The following SPATA6 variants were observed in gnomAD, a reference collection of about 807,000 sequenced individuals.
SPATA6 encodes the protein spermatogenesis-associated protein 6.
Under a neutral mutation model 65.3 loss-of-function variants are expected in SPATA6, and 56 were observed. The ratio of observed to expected loss-of-function variants is 0.86; its 90% CI spans 0.69 to 1.07. The LOEUF (loss-of-function observed/expected upper bound fraction) is 1.07, where lower values mean the gene tolerates loss of function less well. Among genes scored for constraint, SPATA6 ranks in the 50% least tolerant of loss-of-function variants. The probability of loss-of-function intolerance (pLI) is 0.00; values close to 1 mark genes in which losing one functional copy is unlikely to be tolerated. For missense variants in SPATA6, 590 were observed against 594.8 expected, an observed-to-expected ratio of 0.99 and a Z score of 0.08; for synonymous variants, 199 against 213.2, an observed-to-expected ratio of 0.93 and a Z score of 0.58.
At chr1:48,305,953 A>G (rs1003306210) in intron 11 of SPATA6, 75 bp from the exon 12 acceptor site, 23 of 1,088,856 alleles carry the variant, frequency 2.1e-5, no homozygotes, top group Non-Finnish European at 3.1e-5. Context: ...TCTTCATAAA[A>G]TGCTCTTCCC....
At chr1:48,338,805 T>C (rs1031520194) in intron 11 of SPATA6, among the ~76,000 whole-genome samples, 2 of 152,006 alleles carry the variant, frequency 1.3e-5, no homozygotes, top group Non-Finnish European at 2.9e-5. Flanking sequence ...AAACAAAACA[T>C]CTCTTACAAT....
At chr1:48,429,133 CAA>C (rs796484656) in intron 3 of SPATA6, among the ~76,000 whole-genome samples, 1 of 132,760 alleles carries the variant, frequency 7.5e-6, no homozygotes, top group African/African-American at 2.8e-5. Context: ...CCAGGATGGG[CAA>C]AAAAAAAAAA....
At chr1:48,327,882 G>A (rs1645809476) in intron 11 of SPATA6, among the ~76,000 whole-genome samples, 1 of 152,134 alleles carries the variant, frequency 6.6e-6, no homozygotes, top group Non-Finnish European at 1.5e-5. Flanking sequence ...CACTATTTGG[G>A]TGATGTGGGT....
intron 11 of SPATA6, among the ~76,000 whole-genome samples, chr1:48,322,955 C>T (rs988871565): frequency 6.6e-6 from 1 of 152,042 alleles, no homozygotes; most frequent in African/African-American, 2.4e-5. Flanking sequence ...AAATAGGAAC[C>T]CTTTTACACT....
chr1:48,436,438 G>C, intron 3 of SPATA6: 2 of 1,607,566 alleles, frequency 1.2e-6, no homozygotes, highest in Non-Finnish European at 1.7e-6. Flanking sequence ...AGGAATGAGT[G>C]AAACTTTAAT....
intron 11 of SPATA6, among the ~76,000 whole-genome samples, chr1:48,317,520 C>A (rs1175867286): frequency 1.1e-4 from 16 of 151,668 alleles, no homozygotes; most frequent in African/African-American, 3.9e-4. Context: ...CACACTGGGG[C>A]CTGTTGTGGG....
At chr1:48,373,999 A>C (rs1425471097) in intron 9 of SPATA6, among the ~76,000 whole-genome samples, 1 of 152,124 alleles carries the variant, frequency 6.6e-6, no homozygotes, top group Non-Finnish European at 1.5e-5. Context: ...GATCCACATA[A>C]TTTCCATGCA....
At chr1:48,440,922 AG>A (rs1422981529) in intron 3 of SPATA6, among the ~76,000 whole-genome samples, 8 of 152,316 alleles carry the variant, frequency 5.3e-5, no homozygotes, top group African/African-American at 1.7e-4. Flanking sequence ...GATCAGACAA[AG>A]GCCACAGCCT....
At chr1:48,327,002 T>C (rs987988352) in intron 11 of SPATA6, among the ~76,000 whole-genome samples, 2 of 151,624 alleles carry the variant, frequency 1.3e-5, no homozygotes, top group African/African-American at 4.8e-5. Flanking sequence ...AATAGACAAA[T>C]AGGACTTAAA....
intron 3 of SPATA6, among the ~76,000 whole-genome samples, chr1:48,444,075 G>A (rs1655773666): frequency 6.6e-6 from 1 of 152,216 alleles, no homozygotes; most frequent in African/African-American, 2.4e-5. Flanking sequence ...GAGTTGGGTT[G>A]TCCTGTTTAG....
chr1:48,437,247 T>C, intron 3 of SPATA6: 2 of 1,608,718 alleles, frequency 1.2e-6, no homozygotes, highest in Non-Finnish European at 1.7e-6. Context: ...TTTCATGTCC[T>C]ATATACTTGA....
the SPATA6 span, among the ~76,000 whole-genome samples, chr1:48,283,995 G>A: frequency 6.6e-6 from 1 of 152,076 alleles, no homozygotes; most frequent in South Asian, 2.1e-4. Context: ...GGTTGGGGAA[G>A]TTCTCCTGGA....
chr1:48,355,558 G>C, intron 11 of SPATA6, 112 bp downstream of exon 11: 1 of 697,986 alleles, frequency 1.4e-6, no homozygotes, highest in Non-Finnish European at 2.3e-6. Flanking sequence ...AATGGAGCTT[G>C]CTTGCTTTCT....
intron 3 of SPATA6, among the ~76,000 whole-genome samples, chr1:48,444,199 G>A (rs1489739363): frequency 2.0e-5 from 3 of 151,978 alleles, no homozygotes; most frequent in African/African-American, 4.8e-5. Context: ...CTGTAAAAAC[G>A]CACCAATCAG....
At chr1:48,370,977 T>A (rs750365735) in intron 9 of SPATA6, among the ~76,000 whole-genome samples, 1 of 152,180 alleles carries the variant, frequency 6.6e-6, no homozygotes, top group Non-Finnish European at 1.5e-5. Context: ...AAAGTTATAA[T>A]GTGATCACAA....
At chr1:48,302,417 C>G (rs1644961444) in intron 12 of SPATA6, among the ~76,000 whole-genome samples, 1 of 152,172 alleles carries the variant, frequency 6.6e-6, no homozygotes, top group Non-Finnish European at 1.5e-5. Flanking sequence ...TTTATTATAC[C>G]TCTCTGTATG....
At chr1:48,292,354 T>C (rs1644773458), downstream of SPATA6, among the ~76,000 whole-genome samples, 1 of 152,180 alleles carries the variant, frequency 6.6e-6, no homozygotes, top group Non-Finnish European at 1.5e-5. Context: ...GTCCACAACA[T>C]TTGGCAACTA....
intron 11 of SPATA6, among the ~76,000 whole-genome samples, chr1:48,321,930 TAAG>T (rs1033573745): frequency 6.6e-6 from 1 of 152,072 alleles, no homozygotes; most frequent in Non-Finnish European, 1.5e-5. Context: ...ATAAACATAT[TAAG>T]AAGAAAATTT....
At chr1:48,275,739 G>A in the SPATA6 span, among the ~76,000 whole-genome samples, 4 of 152,112 alleles carry the variant, frequency 2.6e-5, no homozygotes, top group African/African-American at 9.7e-5. Context: ...TAAGCTTTTT[G>A]ATGTGCTGCT....
Sources: allele counts gnomAD v4.1 joint callset (sites outside exome capture counted in the v4.1 genomes callset), GRCh38; gene constraint gnomAD v4.1.1; transcripts MANE v1.5; gene names NCBI Gene and HGNC (gene_info 2026-07-23, HGNC 2026-07-21).